ABAT: variants seen among roughly 807,000 people sequenced by gnomAD.
The protein encoded by ABAT is 4-aminobutyrate aminotransferase, also known as 4-aminobutyrate aminotransferase, mitochondrial.
A neutral mutation model predicts 64.6 loss-of-function variants in ABAT; 45 were observed. The ratio of observed to expected loss-of-function variants is 0.70; its 90% confidence interval spans 0.55 to 0.89. The LOEUF is 0.89. Among genes scored for constraint, ABAT ranks in the 40% least tolerant of loss-of-function variants. The probability of loss-of-function intolerance (pLI) is 0.00; values close to 1 mark genes in which losing one functional copy is unlikely to be tolerated. For synonymous variants in ABAT, 297 were observed against 250.5 expected (o/e 1.19, Z -1.75); for missense variants, 633 against 658.4 (o/e 0.96, Z 0.42).
At chr16:8,746,304 A>T (rs1340278270) in intron 3 of ABAT, among the ~76,000 whole-genome samples, 1 of 152,036 alleles carries the variant, frequency 6.6e-6, no homozygotes, top group African/African-American at 2.4e-5. Flanking sequence ...TGTAATCCCA[A>T]CACTTTGAGA....
At chr16:8,749,386 CTTTTTTTTTTT>C (rs1160144275) in intron 4 of ABAT, among the ~76,000 whole-genome samples, 2 of 31,982 alleles carry the variant, frequency 6.3e-5, no homozygotes, top group Non-Finnish European at 1.1e-4. Flanking sequence ...CGCACCCGGC[CTTTTTTTTTTT>C]TTTTTTTTTT....
intron 15 of ABAT, 128 bp downstream of exon 15, chr16:8,779,718 CCTGA>C: frequency 1.4e-6 from 1 of 735,110 alleles, no homozygotes; most frequent in Non-Finnish European, 2.4e-6. Context: ...CTGAAAAGAG[CCTGA>C]ATGCTCTTTC....
In ABAT at chr16:8,710,727, A is replaced by AGAGAGAGAGAGAGAGAGGGAGAGGGAGG. The variant is rs146344975; in HGVS notation, c.-41-24969_-41-24968insAGAGAGAGAGAGAGGGAGAGGGAGGGAG. Among the ~76,000 whole-genome samples the AGAGAGAGAGAGAGAGAGGGAGAGGGAGG allele has an allele frequency of 5.4e-3, 563 of 103,366 alleles. 67 individuals are homozygous for AGAGAGAGAGAGAGAGAGGGAGAGGGAGG. Among genetic ancestry groups the AGAGAGAGAGAGAGAGAGGGAGAGGGAGG allele is most frequent in the East Asian group, 0.011 (25 of 2,188 alleles). 67.8% of individuals were successfully genotyped at this position (103,366 alleles called of 152,430 possible). Reference sequence around the variant, plus strand: ...GAGAGAGAGAGAGAGAGAGAGAGAGAGAGGAAATAGGCTCAGGAGCAAGCA... The same window carrying AGAGAGAGAGAGAGAGAGGGAGAGGGAGG: ...GAGAGAGAGAGAGAGAGAGAGAGAGAGAGAGAGAGAGAGAGAGGGAGAGGGAGGGAGGAAATAGGCTCAGGAGCAAGCA... On this transcript the variant is annotated intron_variant, in intron 1 of 15. Transcript: ENST00000268251.
Position 8,768,269 on chromosome 16 carries a change from C to T in ABAT, c.667+13C>T, listed in dbSNP as rs763619234. On this transcript the variant is annotated intron_variant, in intron 10 of 15. Transcript: ENST00000268251. Reference sequence around the variant, plus strand: ...GGGAGGACCATGGGTAAGGAGGGACCATTGCGCTCCCAAGGTGGCGTTTAG... The same window carrying T: ...GGGAGGACCATGGGTAAGGAGGGACTATTGCGCTCCCAAGGTGGCGTTTAG... The T allele has an allele frequency of 1.9e-6, 3 of 1,613,548 alleles. No individual in the cohort carries two copies. The Middle Eastern group carries it at 5.2e-4, about 279-fold the overall frequency.
At chr16:8,745,072 T>G (rs1314074153) in intron 2 of ABAT, among the ~76,000 whole-genome samples, 2 of 152,060 alleles carry the variant, frequency 1.3e-5, no homozygotes, top group Admixed American at 1.3e-4. Context: ...AGCCTCAACC[T>G]CTCAGGCTGA....
intron 1 of ABAT, among the ~76,000 whole-genome samples, chr16:8,717,088 G>C (rs1462090209): frequency 1.3e-5 from 2 of 152,180 alleles, no homozygotes; most frequent in Non-Finnish European, 2.9e-5. Flanking sequence ...TCAGGAGTTT[G>C]AGACCAGCCT....
Position 8,778,070 on chromosome 16 carries a change from C to T in ABAT, c.1270-1409C>T, listed in dbSNP as rs115086751. Among the ~76,000 whole-genome samples, 1,127 of 152,256 alleles carry T rather than the reference C, an allele frequency of 7.4e-3. 15 individuals carry two copies. Among genetic ancestry groups the T allele is most frequent in the African/African-American group, 0.026 (1,087 of 41,552 alleles). On this transcript the variant is annotated intron_variant, in intron 14 of 15. Transcript: ENST00000268251. ...AGCTGCCGTGAAATAAGACTTGCTC[C>T]CCCAACTCAGCCCCCAGTACCCTGA...
intron 1 of ABAT, among the ~76,000 whole-genome samples, chr16:8,714,327 C>A (rs1051037368): frequency 6.6e-6 from 1 of 152,196 alleles, no homozygotes; most frequent in Non-Finnish European, 1.5e-5. Context: ...AACACACACA[C>A]CCCTTTCTCT....
At chr16:8,727,388 A>G (rs2058590322) in intron 1 of ABAT, among the ~76,000 whole-genome samples, 2 of 152,192 alleles carry the variant, frequency 1.3e-5, no homozygotes, top group African/African-American at 4.8e-5. Context: ...ACTCCGTGTC[A>G]TCATACACCT....
At chr16:8,777,384 G>C (rs986248882) in intron 14 of ABAT, among the ~76,000 whole-genome samples, 6 of 152,094 alleles carry the variant, frequency 3.9e-5, no homozygotes, top group Non-Finnish European at 7.4e-5. Flanking sequence ...TCAAGGTTTC[G>C]TCATGGGCCA....
chr16:8,732,061 C>G (rs2058736511), intron 1 of ABAT, among the ~76,000 whole-genome samples: 1 of 152,056 alleles, frequency 6.6e-6, no homozygotes, highest in South Asian at 2.1e-4. Context: ...CTATGTTGGC[C>G]AGGCTGGTCT....
intron 1 of ABAT, 138 bp from the exon 2 acceptor site, chr16:8,735,561 A>G (rs2058897957): frequency 2.6e-6 from 2 of 767,904 alleles, no homozygotes; most frequent in Admixed American, 2.1e-5. Flanking sequence ...TATAAAGTCC[A>G]TGTTCAGTAT....
rs367557335 is a variant in ABAT, at chr16:8,764,309, G to T, written c.447+160G>T. Among the ~76,000 whole-genome samples, 6 of 152,142 alleles carry T rather than the reference G, an allele frequency of 3.9e-5. No homozygotes were observed. The South Asian group carries it at 1.2e-3, about 32-fold the overall frequency. On this transcript the variant is annotated intron_variant, in intron 7 of 15. Transcript: ENST00000268251. The surrounding 1 kb of genome is among the most constrained non-coding windows in gnomAD (Gnocchi z 4.2). ...AGTATTTTAAATTTTTCTTTTAAAG[G>T]ACAGAAGGGATTCTTTGTGTGCAGG...
intron 1 of ABAT, among the ~76,000 whole-genome samples, chr16:8,733,593 G>T (rs2058822049): frequency 6.6e-6 from 1 of 151,954 alleles, no homozygotes; most frequent in South Asian, 2.1e-4. Context: ...ACCTCGGGAG[G>T]CCGAGGCTGG....
intron 1 of ABAT, among the ~76,000 whole-genome samples, chr16:8,677,070 AG>A (rs967853632): frequency 6.6e-6 from 1 of 152,178 alleles, no homozygotes; most frequent in Non-Finnish European, 1.5e-5. Flanking sequence ...AGAGGCCGAG[AG>A]GTTGGTCCCT....
Position 8,757,435 on chromosome 16 carries a change from TG to T in ABAT, c.317-319del, listed in dbSNP as rs540232497. The T allele has an allele frequency of 2.1e-3, 784 of 374,298 alleles. 9 individuals are homozygous for T. The highest frequency in any genetic ancestry group is 0.015 in the African/African-American group (729 of 47,670). The allele number at this position is 374,298 out of a possible 1,614,324, so 23.2% of individuals were successfully genotyped here. A position where few individuals can be genotyped will look rare whatever the true frequency, so the allele number is the denominator to read the frequency against. Reference sequence around the variant, plus strand: ...CACCCGCCTTGGCCTCCCGAAGTGCTGGGATTACAGGTGTGAGCCACCACAC... The same window carrying T: ...CACCCGCCTTGGCCTCCCGAAGTGCTGGATTACAGGTGTGAGCCACCACAC... On this transcript the variant is annotated intron_variant, in intron 5 of 15. Transcript: ENST00000268251.
rs568423048 is a variant in ABAT, at chr16:8,766,131, T to C, written c.541-77T>C. On this transcript the variant is annotated intron_variant, in intron 8 of 15. Coordinates refer to ENST00000268251, the MANE Select transcript of ABAT (RefSeq NM_020686.6). Reference sequence around the variant, plus strand: ...GCACTTTCTACTTGTCTGGACTGAATATCGGTTTGGTTGGAAAGATGAAGC... The same window carrying C: ...GCACTTTCTACTTGTCTGGACTGAACATCGGTTTGGTTGGAAAGATGAAGC... 2.2e-6 allele frequency: 3 copies of C among 1,370,838 alleles called. No individual in the cohort carries two copies. The East Asian group carries it at 6.9e-5, about 32-fold the overall frequency. 84.9% of individuals were successfully genotyped at this position (1,370,838 alleles called of 1,614,324 possible).
intron 6 of ABAT, chr16:8,760,235 G>A (rs991184050): frequency 5.3e-5 from 8 of 152,264 alleles, no homozygotes; most frequent in African/African-American, 1.9e-4. Flanking sequence ...CCGGGGGAGG[G>A]TTCCAGTCTT....
At chr16:8,707,853 A>T (rs1405689712) in intron 1 of ABAT, among the ~76,000 whole-genome samples, 3 of 152,178 alleles carry the variant, frequency 2.0e-5, no homozygotes, top group Non-Finnish European at 4.4e-5. Flanking sequence ...TACAGGAGTG[A>T]GCCACTGCAC....
Sources: allele counts gnomAD v4.1 joint callset (sites outside exome capture counted in the v4.1 genomes callset), GRCh38; gene constraint gnomAD v4.1.1; non-coding constraint Gnocchi (gnomAD v3.1); transcripts MANE v1.5; gene names NCBI Gene and HGNC (gene_info 2026-07-23, HGNC 2026-07-21).